The following CHD8 variants were observed in gnomAD, a reference collection of about 807,000 sequenced individuals.
CHD8 encodes the protein chromodomain helicase DNA binding protein 8.
A neutral mutation model predicts 279.2 loss-of-function variants in CHD8; 31 were observed. That is an observed-to-expected ratio of 0.11 (90% CI 0.08 to 0.15). CHD8 has a LOEUF of 0.15. Among genes scored for constraint, CHD8 ranks in the 10% least tolerant of loss-of-function variants. The pLI is 1.00. For synonymous variants in CHD8, 1,081 were observed against 1,139.6 expected, an observed-to-expected ratio of 0.95 and a Z score of 1.04; for missense variants, 2,146 against 3,230.5, an observed-to-expected ratio of 0.66 and a Z score of 8.14.
intron 1 of CHD8, among the ~76,000 whole-genome samples, chr14:21,436,111 G>A (rs1211047444): frequency 1.3e-5 from 2 of 152,214 alleles, no homozygotes; most frequent in Admixed American, 6.5e-5. Context: ...ACCTCTTTCT[G>A]TAATGTGCAC....
At chr14:21,410,937 A>G (rs1210900197) in intron 10 of CHD8, among the ~76,000 whole-genome samples, 1 of 152,220 alleles carries the variant, frequency 6.6e-6, no homozygotes, top group Non-Finnish European at 1.5e-5. Context: ...TTCCAGCATA[A>G]TATCTATTTA....
At chr14:21,434,450 T>C (rs1010108305) in intron 1 of CHD8, among the ~76,000 whole-genome samples, 1 of 152,170 alleles carries the variant, frequency 6.6e-6, no homozygotes, top group African/African-American at 2.4e-5. Flanking sequence ...TTAATTCTAA[T>C]GCTCTTCCTT....
chr14:21,418,854 G>C (rs887498470), intron 5 of CHD8, among the ~76,000 whole-genome samples: 1 of 152,128 alleles, frequency 6.6e-6, no homozygotes, highest in Admixed American at 6.6e-5. Flanking sequence ...TTCAAAAATA[G>C]GCTAAGTTAA....
chr14:21,410,470 G>C (rs1888442165), intron 10 of CHD8, among the ~76,000 whole-genome samples: 1 of 152,164 alleles, frequency 6.6e-6, no homozygotes, highest in African/African-American at 2.4e-5. Context: ...TGGTGATAAA[G>C]AAATGTCCTT....
At chr14:21,416,776 G>A (rs1000957966) in intron 5 of CHD8, among the ~76,000 whole-genome samples, 1 of 152,026 alleles carries the variant, frequency 6.6e-6, no homozygotes, top group African/African-American at 2.4e-5. Flanking sequence ...TATAATAAAA[G>A]ATCCCATTTA....
chr14:21,455,308 G>C (rs997454468), intron 1 of CHD8, among the ~76,000 whole-genome samples: 1 of 152,222 alleles, frequency 6.6e-6, no homozygotes, highest in Non-Finnish European at 1.5e-5. Context: ...AGCTGCTGCA[G>C]GGAAATTCCC....
At chr14:21,440,468 A>G (rs1348903069) in intron 1 of CHD8, among the ~76,000 whole-genome samples, 1 of 152,174 alleles carries the variant, frequency 6.6e-6, no homozygotes, top group Non-Finnish European at 1.5e-5. Flanking sequence ...CAGCCTCCCA[A>G]AGTGCTGAGA....
At chr14:21,425,157 CAG>C (rs1178302553) in intron 5 of CHD8, among the ~76,000 whole-genome samples, 2 of 152,058 alleles carry the variant, frequency 1.3e-5, no homozygotes, top group Non-Finnish European at 2.9e-5. Context: ...CCCTAGTTCA[CAG>C]AGTCAGAATC....
intron 5 of CHD8, chr14:21,425,850 C>A (rs908165186): frequency 1.2e-5 from 4 of 323,680 alleles, no homozygotes; most frequent in South Asian, 7.6e-5. Flanking sequence ...GCAGGATAAT[C>A]GTTTGAAACC....
At position 21,403,275 on chromosome 14, in the gene CHD8, G is replaced by T; in HGVS notation, c.3519-63C>A. 6.6e-7 allele frequency: 1 copy of T among 1,512,474 alleles called. No homozygotes were observed. Among genetic ancestry groups the T allele is most frequent in the Non-Finnish European group, 9.1e-7 (1 of 1,103,340 alleles). 93.7% of individuals were successfully genotyped at this position (1,512,474 alleles called of 1,614,324 possible). On this transcript the variant is annotated intron_variant, in intron 17 of 37. Transcript: ENST00000646647. This position sits in a 1 kb window ranked among gnomAD's most constrained non-coding sequence, Gnocchi z 4.3. ...AGCAGAAGTGGAGACCAAAACAGCAGGCTAGGATCAATACCAGTACTCCCA... is the reference window on the plus strand; with the variant it reads ...AGCAGAAGTGGAGACCAAAACAGCATGCTAGGATCAATACCAGTACTCCCA...
In CHD8 at chr14:21,391,873, A is replaced by T; in HGVS notation, c.6845T>A (p.Leu2282Gln). Residue 2282 changes from leucine (L) to glutamine (Q), a missense_variant, in exon 35 of 38, where the codon CTG becomes CAG. By Grantham distance (113) the Leu-to-Gln change is moderately radical. Around this residue, in one of 26 missense-constraint regions of CHD8, gnomAD observed 336 missense variants for 392.9 expected, o/e 0.86. Transcript: ENST00000646647. ...ANGVMGDGHPLFHKKKGNRKK... is the reference protein window; with the variant it reads ...ANGVMGDGHPQFHKKKGNRKK... ...TCTGTTCCCCTTCTTCTTATGAAACAGTGGATGTCCATCTCCCATTACTCC... is the reference window on the plus strand; with the variant it reads ...TCTGTTCCCCTTCTTCTTATGAAACTGTGGATGTCCATCTCCCATTACTCC... 1.9e-6 allele frequency: 3 copies of T among 1,613,836 alleles called. No homozygotes were observed. Among genetic ancestry groups the T allele is most frequent in the Non-Finnish European group, 2.5e-6 (3 of 1,179,702 alleles).
chr14:21,401,756 T>C (rs1416827610), intron 20 of CHD8: 4 of 593,172 alleles, frequency 6.7e-6, no homozygotes, highest in Non-Finnish European at 8.7e-6. Flanking sequence ...GGCTAATTTT[T>C]GTATTTTTGG....
Position 21,405,024 on chromosome 14 carries a change from A to C in CHD8, c.3307+185T>G. The C allele has an allele frequency of 1.7e-6, 1 of 598,664 alleles. No homozygotes were observed. 37.1% of individuals were successfully genotyped at this position (598,664 alleles called of 1,614,324 possible). On this transcript the variant is annotated intron_variant, in intron 16 of 37. Coordinates refer to ENST00000646647, the MANE Select transcript of CHD8 (RefSeq NM_001170629.2). The surrounding 1 kb of genome is among the most constrained non-coding windows in gnomAD (Gnocchi z 4.2). ...TTTTTGTATTTTTTGTAGAGGTGGG[A>C]TTTCATCATGTTGCCCAGGCTTAGA...
chr14:21,432,304 T>C (rs1889597191), intron 1 of CHD8, among the ~76,000 whole-genome samples: 1 of 152,210 alleles, frequency 6.6e-6, no homozygotes, highest in Non-Finnish European at 1.5e-5. Flanking sequence ...GTGTTTTATA[T>C]ATTTTTACTT....
chr14:21,431,440 A>C lies in CHD8; in HGVS notation c.204T>G (p.Pro68=). The change falls in exon 2 of 38, where the codon CCT becomes CCG. Residue 68 remains proline (P), a synonymous_variant. Transcript: ENST00000646647. ...CTGTGGGAGCTGTTTCCTCTGGTGG[A>C]GGGACCAGTTCACTTGCTGATGAAT... ...VGNSSASELV[P]PPEETAPTEL... 1 of 1,537,120 alleles carries C rather than the reference A, an allele frequency of 6.5e-7. No homozygotes were observed. The highest frequency in any genetic ancestry group is 8.7e-7 in the Non-Finnish European group (1 of 1,146,874).
chr14:21,407,671 C>CG (rs1372678935), intron 13 of CHD8, among the ~76,000 whole-genome samples: 1 of 151,060 alleles, frequency 6.6e-6, no homozygotes, highest in Non-Finnish European at 1.5e-5. Flanking sequence ...TGCAGTGTGA[C>CG]GATCTCGGCT....
chr14:21,412,560 T>C (rs1227736239), intron 10 of CHD8, among the ~76,000 whole-genome samples: 1 of 152,146 alleles, frequency 6.6e-6, no homozygotes, highest in Non-Finnish European at 1.5e-5. Context: ...TAGAAGTATT[T>C]TTATATTCAC....
chr14:21,444,724 C>T (rs1439353114), intron 1 of CHD8, among the ~76,000 whole-genome samples: 4 of 152,170 alleles, frequency 2.6e-5, no homozygotes, highest in African/African-American at 9.6e-5. Context: ...AATTTATTTG[C>T]TACTTTTTTC....
Position 21,408,562 on chromosome 14 carries a change from ATTCACCATGGG to A in CHD8, c.2487-18_2487-8del. The A allele has an allele frequency of 6.2e-7, 1 of 1,608,170 alleles. No homozygotes were observed. Among genetic ancestry groups the A allele is most frequent in the Admixed American group, 1.7e-5 (1 of 59,516 alleles). On this transcript the variant is annotated splice_region_variant and splice_polypyrimidine_tract_variant and intron_variant, in intron 12 of 37. Transcript: ENST00000646647. This position sits in a 1 kb window ranked among gnomAD's most constrained non-coding sequence, Gnocchi z 4.3. The stretch of plus-strand genomic sequence containing the variant: ...AGCCAGGATGCAGTTCTGCCTGCAG[ATTCACCATGGG>A]AAAAAAAAAATGTTAAAAGATACTA...
Sources: allele counts gnomAD v4.1 joint callset (sites outside exome capture counted in the v4.1 genomes callset), GRCh38; gene constraint gnomAD v4.1.1; regional missense constraint gnomAD v4.1.1; non-coding constraint Gnocchi (gnomAD v3.1); transcripts MANE v1.5; gene names NCBI Gene and HGNC (gene_info 2026-07-23, HGNC 2026-07-21).